ATAD2: variants seen among roughly 807,000 people sequenced by gnomAD.
ATAD2 encodes ATPase family AAA domain containing 2, also known as ATPase family AAA domain-containing protein 2.
ATAD2 carries 62 observed loss-of-function variants against 168.9 expected under a neutral mutation model. The ratio of observed to expected loss-of-function variants is 0.37; its 90% CI spans 0.30 to 0.45. The LOEUF (loss-of-function observed/expected upper bound fraction) is 0.45. Among genes scored for constraint, ATAD2 ranks in the 20% least tolerant of loss-of-function variants. The probability of loss-of-function intolerance (pLI) is 1.00; values close to 1 mark genes in which losing one functional copy is unlikely to be tolerated. For missense variants in ATAD2, 1,419 were observed against 1,667.8 expected, an observed-to-expected ratio of 0.85 and a Z score of 2.60; for synonymous variants, 613 against 571.6, an observed-to-expected ratio of 1.07 and a Z score of -1.03.
intron 20 of ATAD2, 91 bp downstream of exon 20, chr8:123,339,220 C>T (rs1828000528): frequency 1.7e-6 from 2 of 1,154,634 alleles, no homozygotes; most frequent in Non-Finnish European, 2.4e-6. Context: ...AGGTTTTGAG[C>T]TTGTGTTATC....
At chr8:123,401,415 G>T, upstream of ATAD2, 1 of 1,380,036 alleles carries the variant, frequency 7.2e-7, no homozygotes, top group Non-Finnish European at 1.0e-6. Flanking sequence ...GGAACTTGCT[G>T]TATCAACTGC....
At chr8:123,412,203 C>T (rs1813168851) in intron 1 of ATAD2, among the ~76,000 whole-genome samples, 2 of 152,154 alleles carry the variant, frequency 1.3e-5, no homozygotes, top group African/African-American at 4.8e-5. Context: ...TGCAGAGACA[C>T]TATATCAGCT....
intron 1 of ATAD2, among the ~76,000 whole-genome samples, chr8:123,384,313 T>C (rs1486270525): frequency 6.6e-6 from 1 of 152,218 alleles, no homozygotes; most frequent in African/African-American, 2.4e-5. Flanking sequence ...TACTTATTTA[T>C]ATGAACAATA....
At chr8:123,388,545 A>T (rs1348734296) in intron 1 of ATAD2, among the ~76,000 whole-genome samples, 1 of 151,922 alleles carries the variant, frequency 6.6e-6, no homozygotes, top group Non-Finnish European at 1.5e-5. Flanking sequence ...GGCAGGCACC[A>T]CCACACCTAG....
Position 123,365,688 on chromosome 8 carries a change from G to A in ATAD2, c.1049+3370C>T, listed in dbSNP as rs148200013. Among the ~76,000 whole-genome samples, 838 of 152,256 alleles carry A rather than the reference G, an allele frequency of 5.5e-3. 3 individuals are homozygous for A. Among genetic ancestry groups the A allele is most frequent in the African/African-American group, 0.02 (814 of 41,566 alleles). On this transcript the variant is annotated intron_variant, in intron 8 of 27. Coordinates refer to ENST00000287394, the MANE Select transcript of ATAD2 (RefSeq NM_014109.4). ...TGGGGAAAGGACACCCTATTCATCA[G>A]ATGGTGCTGGGATAATTGGGTAGCC...
chr8:123,414,912 TGA>T, intron 1 of ATAD2, among the ~76,000 whole-genome samples: 1 of 152,332 alleles, frequency 6.6e-6, no homozygotes, highest in Non-Finnish European at 1.5e-5. Context: ...GATTGACTTG[TGA>T]GGTACCATTC....
intron 19 of ATAD2, among the ~76,000 whole-genome samples, chr8:123,340,724 TTA>T (rs1055660735): frequency 2.6e-5 from 4 of 152,110 alleles, no homozygotes; most frequent in African/African-American, 9.7e-5. Context: ...CATATTCAAA[TTA>T]TATGAGGTAC....
intron 22 of ATAD2, among the ~76,000 whole-genome samples, chr8:123,335,269 T>C (rs911254952): frequency 6.6e-6 from 1 of 152,222 alleles, no homozygotes; most frequent in Non-Finnish European, 1.5e-5. Flanking sequence ...TCGTTTCTTC[T>C]TCCTATGTAC....
At chr8:123,386,630 T>C (rs1829652855) in intron 1 of ATAD2, among the ~76,000 whole-genome samples, 1 of 152,158 alleles carries the variant, frequency 6.6e-6, no homozygotes, top group Non-Finnish European at 1.5e-5. Flanking sequence ...TAATGAACTG[T>C]AAGCTTAAAA....
chr8:123,363,716 C>T (rs1828886416), intron 8 of ATAD2, among the ~76,000 whole-genome samples: 1 of 152,104 alleles, frequency 6.6e-6, no homozygotes. Flanking sequence ...TCAGACTAAC[C>T]TCCCAATTAA....
intron 1 of ATAD2, among the ~76,000 whole-genome samples, chr8:123,387,628 G>T (rs903736489): frequency 5.3e-5 from 8 of 152,112 alleles, no homozygotes; most frequent in Non-Finnish European, 1.0e-4. Flanking sequence ...CTTAAATATT[G>T]AGAGCACTTA....
chr8:123,405,694 G>C (rs1299499450), intron 1 of ATAD2, among the ~76,000 whole-genome samples: 1 of 152,174 alleles, frequency 6.6e-6, no homozygotes, highest in Admixed American at 6.5e-5. Flanking sequence ...TCTTTATCTA[G>C]GTCTTAGTGA....
At chr8:123,396,477 A>G (rs912831661), upstream of ATAD2, 4 of 1,137,682 alleles carry the variant, frequency 3.5e-6, no homozygotes, top group African/African-American at 6.5e-5. Flanking sequence ...CAGCGGCCGC[A>G]GCGCGCGCGC....
rs1829069855 is a variant in ATAD2, at chr8:123,369,334, T to C, written c.932-159A>G. The C allele has an allele frequency of 1.3e-5, 3 of 236,980 alleles. No individual in the cohort carries two copies. The East Asian group carries it at 3.0e-4, about 24-fold the overall frequency. The allele number at this position is 236,980 out of a possible 1,614,324, so 14.7% of individuals were successfully genotyped here. ...TATCTACTATGGAATATTTTGCTGTTCATATTTTAAGTCATTTATGTCCAG... is the reference window on the plus strand; with the variant it reads ...TATCTACTATGGAATATTTTGCTGTCCATATTTTAAGTCATTTATGTCCAG... On this transcript the variant is annotated intron_variant, in intron 7 of 27. Coordinates refer to ENST00000287394, the MANE Select transcript of ATAD2 (RefSeq NM_014109.4).
At position 123,402,768 on chromosome 8, in the gene ATAD2, G is replaced by A. The variant is rs757416662; in HGVS notation, c.-2281-1593C>T. On this transcript the variant is annotated intron_variant, in intron 1 of 28. Transcript: ENST00000521903. The surrounding 1 kb of genome is among the most constrained non-coding windows in gnomAD (Gnocchi z 4.8). ...TTGCACACTTTGGGATCATAGTTGC[G>A]TCATTGTGTATTAAATAATCAGAAT... 8.6e-5 allele frequency among the ~76,000 whole-genome samples: 13 copies of A among 151,954 alleles called. No homozygotes were observed. Among genetic ancestry groups the A allele is most frequent in the South Asian group, 4.1e-4 (2 of 4,820 alleles).
At position 123,369,086 on chromosome 8, in the gene ATAD2, T is replaced by G. The variant is rs1222812529; in HGVS notation, c.1021A>C (p.Arg341=). 1 of 1,594,144 alleles carries G rather than the reference T, an allele frequency of 6.3e-7. No homozygotes were observed. The highest frequency in any genetic ancestry group is 1.3e-5 in the African/African-American group (1 of 74,574). ...TTCATTCGTTTACAGTAAGGACTTC[T>G]TGGTCCTGCGGAAGATAATCGGTAT... is the stretch of plus-strand genomic sequence containing the variant. ...PRYRLSSAGP[R]SPYCKRMNRR... The change falls in exon 8 of 28, where the codon AGA becomes CGA. Residue 341 remains arginine (R), a synonymous_variant. Coordinates refer to ENST00000287394, the MANE Select transcript of ATAD2 (RefSeq NM_014109.4).
chr8:123,396,473 C>CCG (rs1812839863), upstream of ATAD2: 12 of 1,180,196 alleles, frequency 1.0e-5, no homozygotes, highest in Non-Finnish European at 1.4e-5. Context: ...GCGCCAGCGG[C>CCG]CGCAGCGCGC....
intron 21 of ATAD2, 25 bp downstream of exon 21, chr8:123,337,600 C>T: frequency 6.4e-7 from 1 of 1,560,562 alleles, no homozygotes; most frequent in Non-Finnish European, 8.7e-7. Flanking sequence ...CTAGAATACA[C>T]TTGATCCAAA....
At chr8:123,408,384 C>T (rs558275080) in intron 1 of ATAD2, among the ~76,000 whole-genome samples, 4 of 152,346 alleles carry the variant, frequency 2.6e-5, no homozygotes, top group Admixed American at 2.6e-4. Context: ...CAATGGGCTG[C>T]TCCTATCTGA....
Sources: gnomAD v4.1 joint callset for allele counts (sites outside exome capture counted in the v4.1 genomes callset) on GRCh38, gnomAD v4.1.1 for gene constraint, Gnocchi (gnomAD v3.1) non-coding constraint, MANE v1.5 for transcripts, NCBI Gene and HGNC (gene_info 2026-07-23, HGNC 2026-07-21) for gene names.